LY6S: variants seen among roughly 807,000 people sequenced by gnomAD.
The protein encoded by LY6S is lymphocyte antigen 6 family member S.
the LY6S span, among the ~76,000 whole-genome samples, chr8:143,043,755 AACCTCC>A: frequency 2.8e-3 from 421 of 151,928 alleles, 4 homozygotes; most frequent in African/African-American, 9.1e-3. Context: ...TGCTCACCAC[AACCTCC>A]ACCTCCTGGG....
the LY6S span, among the ~76,000 whole-genome samples, chr8:143,065,560 ATT>A: frequency 2.7e-5 from 4 of 145,890 alleles, no homozygotes; most frequent in Non-Finnish European, 1.5e-5. Flanking sequence ...GCAATAGAAT[ATT>A]TTTTTTTTTT....
At chr8:143,075,446 G>A in the LY6S span, among the ~76,000 whole-genome samples, 2 of 152,202 alleles carry the variant, frequency 1.3e-5, no homozygotes, top group Non-Finnish European at 2.9e-5. The surrounding 1 kb of genome is among the most constrained non-coding windows in gnomAD (Gnocchi z 4.1). Context: ...GCTCACGCCT[G>A]TAATCCCAGC....
the LY6S span, chr8:143,047,928 C>T: frequency 6.6e-6 from 1 of 152,242 alleles, no homozygotes; most frequent in African/African-American, 2.4e-5. Flanking sequence ...CCTATCTCTT[C>T]TGCATCAAAC....
At chr8:143,050,230 G>GA in the LY6S span, among the ~76,000 whole-genome samples, 1 of 149,686 alleles carries the variant, frequency 6.7e-6, no homozygotes, top group Admixed American at 6.7e-5. Context: ...CACCAAGCTG[G>GA]AGTGCAGTGG....
the LY6S span, chr8:143,044,376 C>T: frequency 1.8e-5 from 7 of 392,656 alleles, no homozygotes; most frequent in South Asian, 5.6e-5. Context: ...GGGATGGTTT[C>T]CACAGTAATG....
the LY6S span, among the ~76,000 whole-genome samples, chr8:143,046,199 T>G: frequency 2.0e-5 from 3 of 152,152 alleles, no homozygotes; most frequent in African/African-American, 7.2e-5. Context: ...GCCTGGTGGC[T>G]CACATCTGTA....
At chr8:143,070,487 A>ATTTTTTTTTTTTTTTTTTT in the LY6S span, among the ~76,000 whole-genome samples, 1 of 84,072 alleles carries the variant, frequency 1.2e-5, no homozygotes, top group Non-Finnish European at 2.0e-5. Flanking sequence ...ATATATATAT[A>ATTTTTTTTTTTTTTTTTTT]TATTTTTTTT....
At chr8:143,042,901 C>A in the LY6S span, 1 of 849,970 alleles carries the variant, frequency 1.2e-6, no homozygotes, top group Non-Finnish European at 1.8e-6. Context: ...GGGGCATGGG[C>A]TGGAGGGCCT....
chr8:143,070,489 A>ATTTTTTTTTTTTTTTTTTTTT, the LY6S span, among the ~76,000 whole-genome samples: 1 of 81,704 alleles, frequency 1.2e-5, no homozygotes, highest in East Asian at 4.5e-4. Flanking sequence ...ATATATATAT[A>ATTTTTTTTTTTTTTTTTTTTT]TTTTTTTTTT....
At chr8:143,046,577 C>CAA in the LY6S span, among the ~76,000 whole-genome samples, 8 of 76,042 alleles carry the variant, frequency 1.1e-4, no homozygotes, top group South Asian at 4.5e-4. Flanking sequence ...GACTCCAGCT[C>CAA]AAAAAAAAAA....
the LY6S span, chr8:143,057,124 T>G: frequency 2.8e-6 from 1 of 353,740 alleles, no homozygotes; most frequent in Non-Finnish European, 5.7e-6. Flanking sequence ...AGTGTATATA[T>G]AGGGCCAAAT....
At chr8:143,059,638 A>T in the LY6S span, 1 of 152,260 alleles carries the variant, frequency 6.6e-6, no homozygotes, top group South Asian at 2.1e-4. Flanking sequence ...GCTAATTTTT[A>T]AAATTTTTTT....
the LY6S span, among the ~76,000 whole-genome samples, chr8:143,055,192 G>T: frequency 1.3e-5 from 2 of 150,264 alleles, no homozygotes; most frequent in African/African-American, 2.4e-5. Context: ...GACCAACTTT[G>T]TTTTTTTTTT....
At chr8:143,049,059 C>A in the LY6S span, 1 of 423,480 alleles carries the variant, frequency 2.4e-6, no homozygotes, top group Non-Finnish European at 4.9e-6. Context: ...GCCCGTGAGA[C>A]CCAGGACGGT....
chr8:143,073,808 G>A, the LY6S span, among the ~76,000 whole-genome samples: 1 of 145,672 alleles, frequency 6.9e-6, no homozygotes, highest in Non-Finnish European at 1.5e-5. Flanking sequence ...CGTCGTCCCC[G>A]GGGTCCCTGT....
chr8:143,073,890 A>G, the LY6S span, among the ~76,000 whole-genome samples: 2 of 142,566 alleles, frequency 1.4e-5, no homozygotes, highest in African/African-American at 5.2e-5. Flanking sequence ...TTCCTGTTTG[A>G]GGAGACAGCC....
the LY6S span, among the ~76,000 whole-genome samples, chr8:143,043,574 GC>G: frequency 6.6e-6 from 1 of 152,208 alleles, no homozygotes; most frequent in East Asian, 1.9e-4. Flanking sequence ...CCCTCACCCT[GC>G]CCCGGCCTTG....
At chr8:143,066,941 C>T in the LY6S span, among the ~76,000 whole-genome samples, 1 of 152,138 alleles carries the variant, frequency 6.6e-6, no homozygotes, top group Non-Finnish European at 1.5e-5. Context: ...GGGGAAAAGG[C>T]CTCAAAGGCA....
chr8:143,040,860 C>T, the LY6S span, among the ~76,000 whole-genome samples: 1 of 152,146 alleles, frequency 6.6e-6, no homozygotes. Context: ...GCTGGGCGTC[C>T]GGGGGAGACA....
Sources: allele counts gnomAD v4.1 joint callset (sites outside exome capture counted in the v4.1 genomes callset), GRCh38; gene constraint gnomAD v4.1.1; non-coding constraint Gnocchi (gnomAD v3.1); transcripts MANE v1.5; gene names NCBI Gene and HGNC (gene_info 2026-07-23, HGNC 2026-07-21).